Variants in RASAL2 observed in about 807,000 individuals in gnomAD.
RASAL2 encodes RAS protein activator like 2, also known as ras GTPase-activating protein nGAP.
In RASAL2, 58 loss-of-function variants were observed where a neutral mutation model predicts 128.9. That is an observed-to-expected ratio of 0.45 (90% CI 0.36 to 0.56). The LOEUF is 0.56. Ranked by LOEUF, RASAL2 falls within the 20% of genes least tolerant of loss-of-function variation. The pLI, the probability that RASAL2 is intolerant of heterozygous loss-of-function variation, is 0.00. For missense variants in RASAL2, 1,360 were observed against 1,601.6 expected, an observed-to-expected ratio of 0.85 and a Z score of 2.57; for synonymous variants, 561 against 580.8, an observed-to-expected ratio of 0.97 and a Z score of 0.49.
chr1:178,197,431 G>A (rs1429099609), intron 1 of RASAL2, among the ~76,000 whole-genome samples: 1 of 151,794 alleles, frequency 6.6e-6, no homozygotes, highest in Non-Finnish European at 1.5e-5. Flanking sequence ...TCCAGCATGA[G>A]CGACAGAGCG....
intron 13 of RASAL2, 122 bp downstream of exon 13, chr1:178,457,021 T>A: frequency 1.1e-6 from 1 of 910,548 alleles, no homozygotes; most frequent in Non-Finnish European, 1.6e-6. Flanking sequence ...AAGACTCATC[T>A]GACCTGAGAG....
At chr1:178,337,306 T>C (rs958159411) in intron 3 of RASAL2, among the ~76,000 whole-genome samples, 85 of 152,216 alleles carry the variant, frequency 5.6e-4, no homozygotes, top group African/African-American at 2.0e-3. Flanking sequence ...TGTATGTATG[T>C]GTATCTGTGT....
chr1:178,182,624 C>T (rs1244838863), intron 1 of RASAL2, among the ~76,000 whole-genome samples: 1 of 151,984 alleles, frequency 6.6e-6, no homozygotes, highest in Non-Finnish European at 1.5e-5. Flanking sequence ...ATCATTCTAC[C>T]CTTCTCCCCT....
At chr1:178,224,510 T>A (rs1371803847) in intron 1 of RASAL2, among the ~76,000 whole-genome samples, 1 of 152,116 alleles carries the variant, frequency 6.6e-6, no homozygotes, top group Admixed American at 6.5e-5. Flanking sequence ...AGAGGATGTT[T>A]TGTTATTAAT....
intron 1 of RASAL2, among the ~76,000 whole-genome samples, chr1:178,144,868 T>C (rs1660664031): frequency 6.6e-6 from 1 of 152,196 alleles, no homozygotes; most frequent in Non-Finnish European, 1.5e-5. Flanking sequence ...CAGAAAAATT[T>C]AGTGCTTCTT....
chr1:178,251,602 T>G (rs1665057963), intron 1 of RASAL2, among the ~76,000 whole-genome samples: 2 of 152,200 alleles, frequency 1.3e-5, no homozygotes, highest in African/African-American at 4.8e-5. Context: ...AGGGAATGGT[T>G]GATTAATTAC....
chr1:178,380,415 C>T (rs1571964280), intron 3 of RASAL2, among the ~76,000 whole-genome samples: 2 of 151,822 alleles, frequency 1.3e-5, no homozygotes, highest in South Asian at 4.2e-4. Context: ...AATTTAATTC[C>T]ATGTGTGAGT....
chr1:178,281,993 A>G (rs1034557625), intron 1 of RASAL2, among the ~76,000 whole-genome samples: 1 of 152,202 alleles, frequency 6.6e-6, no homozygotes, highest in Non-Finnish European at 1.5e-5. Flanking sequence ...CTAAAGATGC[A>G]GTTCTAACAT....
Position 178,300,042 on chromosome 1 carries a change from A to C in RASAL2, c.381A>C (p.Arg127=). The C allele has an allele frequency of 6.2e-7, 1 of 1,614,042 alleles. No homozygotes were observed. ...QEQQTDSTKG[R]CLRRTVSVPS... Reference sequence around the variant, plus strand: ...AGCAGACAGATTCCACCAAAGGGCGATGCCTGAGGAGAACTGTCAGTGTCC... The same window carrying C: ...AGCAGACAGATTCCACCAAAGGGCGCTGCCTGAGGAGAACTGTCAGTGTCC... The change falls in exon 3 of 18, where the codon CGA becomes CGC. Residue 127 remains arginine (R), a synonymous_variant. Transcript: ENST00000367649.
At position 178,128,220 on chromosome 1, in the gene RASAL2, GA is replaced by G. The variant is rs1356341602; in HGVS notation, c.202+33533del. Among the ~76,000 whole-genome samples the G allele has an allele frequency of 4.6e-5, 7 of 151,994 alleles. No individual in the cohort carries two copies. In the East Asian group the frequency reaches 1.2e-3, roughly 25 times the overall value. Reference sequence around the variant, plus strand: ...TCAGAATTCAAAAAATTGATTCATAGAAAAAAATGCTTATGCATTTTGTGAA... The same window carrying G: ...TCAGAATTCAAAAAATTGATTCATAGAAAAAATGCTTATGCATTTTGTGAA... On this transcript the variant is annotated intron_variant, in intron 1 of 17. Coordinates refer to ENST00000367649, the MANE Select transcript of RASAL2 (RefSeq NM_170692.4).
At chr1:178,344,485 A>AC (rs1670044262) in intron 3 of RASAL2, among the ~76,000 whole-genome samples, 1 of 152,180 alleles carries the variant, frequency 6.6e-6, no homozygotes, top group South Asian at 2.1e-4. Context: ...CCAGTTATCC[A>AC]CCCAAGACTC....
intron 4 of RASAL2, among the ~76,000 whole-genome samples, chr1:178,417,919 A>C (rs1054277258): frequency 6.6e-6 from 1 of 152,108 alleles, no homozygotes; most frequent in Non-Finnish European, 1.5e-5. Flanking sequence ...CTGGATCTCA[A>C]CCTAGGCCTA....
chr1:178,211,192 C>G (rs531217747), intron 1 of RASAL2, among the ~76,000 whole-genome samples: 4 of 152,278 alleles, frequency 2.6e-5, no homozygotes, highest in African/African-American at 9.6e-5. Context: ...ATTGTTGACT[C>G]AACCAAGAAC....
intron 1 of RASAL2, among the ~76,000 whole-genome samples, chr1:178,177,289 C>T (rs1169936476): frequency 6.6e-6 from 1 of 152,130 alleles, no homozygotes; most frequent in African/African-American, 2.4e-5. Flanking sequence ...ATGCTGTGAT[C>T]TTGAATTGCA....
At chr1:178,243,729 C>G (rs1664633421) in intron 1 of RASAL2, among the ~76,000 whole-genome samples, 1 of 152,090 alleles carries the variant, frequency 6.6e-6, no homozygotes, top group South Asian at 2.1e-4. Flanking sequence ...AGATGTCCTG[C>G]CACTATTTTG....
intron 3 of RASAL2, among the ~76,000 whole-genome samples, chr1:178,322,565 T>C (rs1382734754): frequency 6.6e-6 from 1 of 152,198 alleles, no homozygotes; most frequent in Non-Finnish European, 1.5e-5. Context: ...CATGTGGTGG[T>C]TGGTTCTGTT....
chr1:178,305,581 G>A (rs536677726), intron 3 of RASAL2, among the ~76,000 whole-genome samples: 27 of 152,266 alleles, frequency 1.8e-4, no homozygotes, highest in African/African-American at 6.5e-4. Flanking sequence ...AACAGCTACA[G>A]GAATGAAGTT....
At chr1:178,365,729 TC>T (rs1171842134) in intron 3 of RASAL2, among the ~76,000 whole-genome samples, 6 of 152,162 alleles carry the variant, frequency 3.9e-5, no homozygotes, top group African/African-American at 1.4e-4. Flanking sequence ...CACCTCAGCC[TC>T]CCACAGTGCT....
intron 3 of RASAL2, among the ~76,000 whole-genome samples, chr1:178,318,901 C>T (rs1310116165): frequency 2.0e-5 from 3 of 152,000 alleles, no homozygotes; most frequent in African/African-American, 7.3e-5. Flanking sequence ...ATGGTCTTTA[C>T]ATTTTGGCAT....
Sources: allele counts gnomAD v4.1 joint callset (sites outside exome capture counted in the v4.1 genomes callset), GRCh38; gene constraint gnomAD v4.1.1; transcripts MANE v1.5; gene names NCBI Gene and HGNC (gene_info 2026-07-23, HGNC 2026-07-21).